The following SCG2 variants were observed in gnomAD, a reference collection of about 807,000 sequenced individuals.
SCG2 encodes the protein secretogranin-2.
SCG2 carries 23 observed loss-of-function variants against 49.5 expected under a neutral mutation model. That is an observed-to-expected ratio of 0.46 (90% CI 0.33 to 0.66). The LOEUF (loss-of-function observed/expected upper bound fraction) is 0.66, where lower values mean the gene tolerates loss of function less well. Ranked by LOEUF, SCG2 falls within the 30% of genes least tolerant of loss-of-function variation. The pLI, the probability that SCG2 is intolerant of heterozygous loss-of-function variation, is 0.01. For synonymous variants in SCG2, 288 were observed against 260.4 expected, an observed-to-expected ratio of 1.11 and a Z score of -1.02; for missense variants, 730 against 728.2, an observed-to-expected ratio of 1.00 and a Z score of -0.03.
chr2:223,599,857 G>A (rs1475079873), intron 1 of SCG2, among the ~76,000 whole-genome samples: 4 of 152,110 alleles, frequency 2.6e-5, no homozygotes, highest in Non-Finnish European at 5.9e-5. Context: ...ATATGACAAA[G>A]TAATACTTTT....
intron 1 of SCG2, among the ~76,000 whole-genome samples, chr2:223,601,736 A>C (rs1691393879): frequency 6.6e-6 from 1 of 152,210 alleles, no homozygotes; most frequent in Non-Finnish European, 1.5e-5. Context: ...AGCTCTTTCA[A>C]ATATACAAGT....
At chr2:223,600,024 A>T (rs567913447) in intron 1 of SCG2, among the ~76,000 whole-genome samples, 124 of 152,298 alleles carry the variant, frequency 8.1e-4, no homozygotes, top group African/African-American at 3.0e-3. Flanking sequence ...AAACCAATGA[A>T]GTTTCTTTTT....
chr2:223,598,461 T>G lies in SCG2; in HGVS notation c.822A>C (p.Lys274Asn). 6.2e-7 allele frequency: 1 copy of G among 1,614,132 alleles called. No individual in the cohort carries two copies. Among genetic ancestry groups the G allele is most frequent in the Non-Finnish European group, 8.5e-7 (1 of 1,180,032 alleles). ...EVRDSKENIE[K>N]NEQINDEMKR... ...TCATCTCATCGTTGATTTGTTCATT[T>G]TTTTCTATATTCTCTTTGCTGTCTC... The change falls in exon 2 of 2, where the codon AAA (lysine) becomes AAC (asparagine). Residue 274 changes from lysine to asparagine, a missense_variant. Lys to Asn is a moderately conservative substitution (Grantham distance 94). Transcript: ENST00000305409.
Position 223,598,014 on chromosome 2 carries a change from C to T in SCG2, c.1269G>A (p.Gly423=), listed in dbSNP as rs774018407. The change falls in exon 2 of 2, where the codon GGG becomes GGA. Residue 423 remains glycine, a synonymous_variant. Transcript: ENST00000305409. ...SGYPKTPGRA[G]TEALPDGLSV... ...TGAGCCCGTCTGGTAGGGCCTCAGT[C>T]CCAGCACGACCAGGTGTTTTAGGGT... 6.2e-7 allele frequency: 1 copy of T among 1,612,960 alleles called. No individual in the cohort carries two copies. Among genetic ancestry groups the T allele is most frequent in the South Asian group, 1.1e-5 (1 of 90,922 alleles).
Position 223,598,651 on chromosome 2 carries a change from G to C in SCG2, c.632C>G (p.Pro211Arg). The change falls in exon 2 of 2, where the codon CCA becomes CGA. Residue 211 changes from proline to arginine, a missense_variant. Transcript: ENST00000305409. ...CATCCTCTCACGTTTCTGGTTGTTT[G>C]GTCCTGTCAGTTTCCCCAGCTCTTG... ...VFQELGKLTG[P>R]NNQKRERMDE... 1 of 1,613,998 alleles carries C rather than the reference G, an allele frequency of 6.2e-7. No homozygotes were observed. Among genetic ancestry groups the C allele is most frequent in the South Asian group, 1.1e-5 (1 of 91,070 alleles).
rs1363160688 is a variant in SCG2, at chr2:223,600,498, A to G, written c.-14-1202T>C. 3.9e-5 allele frequency among the ~76,000 whole-genome samples: 6 copies of G among 152,188 alleles called. No homozygotes were observed. The East Asian group carries it at 5.8e-4, about 15-fold the overall frequency. On this transcript the variant is annotated intron_variant, in intron 1 of 1. Transcript: ENST00000305409. ...TAATATTGCTAACATTGAAAAAACT[A>G]TTTTAATATTGGCTATTTTGTTGTA...
chr2:223,597,649 T>G lies in SCG2; in HGVS notation c.1634A>C (p.Gln545Pro), dbSNP rs1177786076. The G allele has an allele frequency of 6.2e-7, 1 of 1,614,030 alleles. No individual in the cohort carries two copies. Among genetic ancestry groups the G allele is most frequent in the African/African-American group, 1.3e-5 (1 of 74,926 alleles). Residue 545 changes from glutamine (Q) to proline (P), a missense_variant, in exon 2 of 2, where the codon CAG (glutamine) becomes CCG (proline). Physicochemically the swap from Gln to Pro is moderately conservative, Grantham distance 76. Coordinates refer to ENST00000305409, the MANE Select transcript of SCG2 (RefSeq NM_003469.5). ...DDLQEEEQIEQAIKEHLNQGS... is the reference protein window; with the variant it reads ...DDLQEEEQIEPAIKEHLNQGS... ...TTGATTCAAATGCTCTTTGATGGCC[T>G]GCTCAATTTGTTCCTCTTCCTGCAG...
In SCG2 at chr2:223,597,985, A is replaced by T. The variant is rs781351839; in HGVS notation, c.1298T>A (p.Val433Asp). The T allele has an allele frequency of 1.2e-6, 2 of 1,614,030 alleles. No individual in the cohort carries two copies. The highest frequency in any genetic ancestry group is 1.7e-6 in the Non-Finnish European group (2 of 1,180,004). ...CCCTAAAAGATTTAAAATATCCTCA[A>T]CACTGAGCCCGTCTGGTAGGGCCTC... is the stretch of plus-strand genomic sequence containing the variant. ...GTEALPDGLS[V>D]EDILNLLGME... Residue 433 changes from valine (V) to aspartate (D), a missense_variant, in exon 2 of 2, where the codon GTT becomes GAT. By Grantham distance (152) the Val-to-Asp change is radical (BLOSUM62 -3). Transcript: ENST00000305409.
Position 223,598,736 on chromosome 2 carries a change from T to C in SCG2, c.547A>G (p.Asn183Asp), listed in dbSNP as rs746008760. 20 of 1,613,850 alleles carry C rather than the reference T, an allele frequency of 1.2e-5. No homozygotes were observed. Among genetic ancestry groups the C allele is most frequent in the Non-Finnish European group, 1.2e-5 (14 of 1,180,038 alleles). ...GTATATTGTTCCTCCACTATTTCAT[T>C]TGTGCGTTTAAAGGGGTTATCCCTG... ...NSRDNPFKRT[N>D]EIVEEQYTPQ... Residue 183 changes from asparagine (N) to aspartate (D), a missense_variant, in exon 2 of 2, where the codon AAT becomes GAT. Asn to Asp is a conservative substitution (Grantham distance 23). Transcript: ENST00000305409.
chr2:223,598,183 TC>T lies in SCG2; in HGVS notation c.1099del (p.Glu367ArgfsTer25). Reference sequence around the variant, plus strand: ...CGGCTTCTCCCCAGTTTTGAGCATCTCAATTAAGTCTTCTGGGGGTATCTGT... The same window carrying T: ...CGGCTTCTCCCCAGTTTTGAGCATCTAATTAAGTCTTCTGGGGGTATCTGT... ...NLQIPPEDLI[E>X]MLKTGEKPNG... is the part of the protein sequence containing the mutation. On this transcript the variant is annotated frameshift_variant, in exon 2 of 2. Transcript: ENST00000305409. LOFTEE classifies it high-confidence loss of function. 6.2e-7 allele frequency: 1 copy of T among 1,614,124 alleles called. No homozygotes were observed.
chr2:223,601,039 C>T (rs1691382135), intron 1 of SCG2, among the ~76,000 whole-genome samples: 1 of 152,132 alleles, frequency 6.6e-6, no homozygotes, highest in African/African-American at 2.4e-5. Flanking sequence ...ATAGTCTTAA[C>T]ATGTGGATTA....
At chr2:223,599,322 C>T (rs1691354743) in intron 1 of SCG2, 26 bp from the exon 2 acceptor site, 2 of 1,518,182 alleles carry the variant, frequency 1.3e-6, no homozygotes, top group Non-Finnish European at 1.8e-6. Flanking sequence ...ATATGAGTTA[C>T]ACAAATGAAA....
intron 1 of SCG2, among the ~76,000 whole-genome samples, chr2:223,601,146 T>A (rs1691383288): frequency 6.6e-6 from 1 of 152,166 alleles, no homozygotes; most frequent in Non-Finnish European, 1.5e-5. Flanking sequence ...GCCTAAGAAG[T>A]GCTACCCTTT....
At position 223,598,315 on chromosome 2, in the gene SCG2, C is replaced by T; in HGVS notation, c.968G>A (p.Ser323Asn). ...ATTTTGCCCATTCTGTAACCTCCCA[C>T]TTCCTGCAGCATTTACTAACCTTTT... ...YLKRLVNAAG[S>N]GRLQNGQNGE... The change falls in exon 2 of 2, where the codon AGT becomes AAT. Residue 323 changes from serine to asparagine, a missense_variant. Ser to Asn is a conservative substitution (Grantham distance 46, BLOSUM62 1). Coordinates refer to ENST00000305409, the MANE Select transcript of SCG2 (RefSeq NM_003469.5). The T allele has an allele frequency of 6.2e-7, 1 of 1,614,142 alleles. No homozygotes were observed. Among genetic ancestry groups the T allele is most frequent in the Non-Finnish European group, 8.5e-7 (1 of 1,180,042 alleles).
At position 223,598,121 on chromosome 2, in the gene SCG2, G is replaced by A. The variant is rs756469794; in HGVS notation, c.1162C>T (p.Pro388Ser). 33 of 1,610,104 alleles carry A rather than the reference G, an allele frequency of 2.0e-5. No homozygotes were observed. The highest frequency in any genetic ancestry group is 1.7e-4 in the Middle Eastern group (1 of 6,052). ...TCTGAGATGTCATCTAGGTCAACAG[G>A]AAGGTCAAGCTCCCGCTCCGGTTCC... is the stretch of plus-strand genomic sequence containing the variant. ...SVEPERELDL[P>S]VDLDDISEAD... Residue 388 changes from proline to serine, a missense_variant, in exon 2 of 2, where the codon CCT becomes TCT. Transcript: ENST00000305409.
chr2:223,597,885 G>A lies in SCG2; in HGVS notation c.1398C>T (p.Leu466=), dbSNP rs769358198. ...ATCTAGATCTTCCAGCACCATAAGG[G>A]AGCCTTGGCAGAACTTTCTCCTGGT... ...PYNQEKVLPR[L]PYGAGRSRSN... is the part of the protein sequence containing the mutation. The change falls in exon 2 of 2, where the codon CTC becomes CTT. Residue 466 remains leucine, a synonymous_variant. Coordinates refer to ENST00000305409, the MANE Select transcript of SCG2 (RefSeq NM_003469.5). 2 of 1,614,014 alleles carry A rather than the reference G, an allele frequency of 1.2e-6. No individual in the cohort carries two copies. Among genetic ancestry groups the A allele is most frequent in the Non-Finnish European group, 1.7e-6 (2 of 1,180,034 alleles).
Position 223,599,053 on chromosome 2 carries a change from T to A in SCG2, c.230A>T (p.Asp77Val). The A allele has an allele frequency of 6.2e-7, 1 of 1,614,194 alleles. No homozygotes were observed. Among genetic ancestry groups the A allele is most frequent in the African/African-American group, 1.3e-5 (1 of 75,050 alleles). Residue 77 changes from aspartate to valine, a missense_variant, in exon 2 of 2, where the codon GAT (aspartate) becomes GTT (valine). Asp to Val is a radical substitution (Grantham distance 152). Transcript: ENST00000305409. Reference protein sequence around the residue: ...QQAHKEESSPDYNPYQGVSVP... With the variant: ...QQAHKEESSPVYNPYQGVSVP... ...AGAGACACCTTGGTAGGGATTATAA[T>A]CTGGGCTGCTTTCTTCCTTATGAGC...
rs753443800 is a variant in SCG2 at position 223,597,554 on chromosome 2, C to G, written c.1729G>C (p.Asp577His). ...KRFPVGPPKN[D>H]DTPNRQYWDE... ...CAGTACTGCCTATTTGGGGTATCAT[C>G]ATTCTTCGGGGGCCCCACAGGGAAC... The change falls in exon 2 of 2, where the codon GAT (aspartate) becomes CAT (histidine). Residue 577 changes from aspartate (D) to histidine (H), a missense_variant. Coordinates refer to ENST00000305409, the MANE Select transcript of SCG2 (RefSeq NM_003469.5). The G allele has an allele frequency of 1.2e-6, 2 of 1,614,148 alleles. No individual in the cohort carries two copies. Among genetic ancestry groups the G allele is most frequent in the South Asian group, 2.2e-5 (2 of 91,066 alleles).
Position 223,598,120 on chromosome 2 carries a change from G to T in SCG2, c.1163C>A (p.Pro388His). ...SVEPERELDLPVDLDDISEAD... is the reference protein window; with the variant it reads ...SVEPERELDLHVDLDDISEAD... ...CTCTGAGATGTCATCTAGGTCAACA[G>T]GAAGGTCAAGCTCCCGCTCCGGTTC... Residue 388 changes from proline (P) to histidine (H), a missense_variant, in exon 2 of 2, where the codon CCT (proline) becomes CAT (histidine). By Grantham distance (77) the Pro-to-His change is moderately conservative. Coordinates refer to ENST00000305409, the MANE Select transcript of SCG2 (RefSeq NM_003469.5). 2 of 1,610,068 alleles carry T rather than the reference G, an allele frequency of 1.2e-6. No homozygotes were observed. The highest frequency in any genetic ancestry group is 1.7e-6 in the Non-Finnish European group (2 of 1,177,838).
Sources: allele counts gnomAD v4.1 joint callset (sites outside exome capture counted in the v4.1 genomes callset), GRCh38; gene constraint gnomAD v4.1.1; transcripts MANE v1.5; gene names NCBI Gene and HGNC (gene_info 2026-07-23, HGNC 2026-07-21).